SLC24A5: variants seen among roughly 807,000 people sequenced by gnomAD.
SLC24A5 encodes solute carrier family 24 member 5.
In SLC24A5, 46 loss-of-function variants were observed where a neutral mutation model predicts 51.6. The ratio of observed to expected loss-of-function variants is 0.89; its 90% confidence interval spans 0.70 to 1.14. SLC24A5 has a LOEUF of 1.14. Among genes scored for constraint, SLC24A5 ranks in the 50% most tolerant of loss-of-function variants. SLC24A5 has a pLI of 0.00. For synonymous variants in SLC24A5, 230 were observed against 214.9 expected (o/e 1.07, Z -0.62); for missense variants, 581 against 604.1 (o/e 0.96, Z 0.40).
intron 2 of SLC24A5, among the ~76,000 whole-genome samples, chr15:48,131,686 A>G (rs551655543): frequency 6.6e-6 from 1 of 151,618 alleles, no homozygotes; most frequent in South Asian, 2.1e-4. Context: ...TTTTCTTTAT[A>G]AACTACCCAG....
At chr15:48,137,058 TAA>T in intron 6 of SLC24A5, 95 bp downstream of exon 6, 1 of 1,315,950 alleles carries the variant, frequency 7.6e-7, no homozygotes, top group Non-Finnish European at 1.0e-6. Context: ...GCTTTTTATG[TAA>T]AAAAGACTGT....
chr15:48,125,543 T>G (rs1167889853), intron 2 of SLC24A5, among the ~76,000 whole-genome samples: 1 of 152,212 alleles, frequency 6.6e-6, no homozygotes, highest in Non-Finnish European at 1.5e-5. Context: ...AGAACTGTTC[T>G]ATTTGAACCA....
intron 5 of SLC24A5, 175 bp from the exon 6 acceptor site, chr15:48,136,508 A>G (rs535314741): frequency 3.9e-6 from 2 of 516,864 alleles, no homozygotes; most frequent in African/African-American, 2.0e-5. Flanking sequence ...ATCAATAAAC[A>G]TAATAATGCT....
intron 2 of SLC24A5, among the ~76,000 whole-genome samples, chr15:48,126,549 T>G (rs1249152384): frequency 1.3e-5 from 2 of 152,138 alleles, no homozygotes; most frequent in Non-Finnish European, 2.9e-5. Flanking sequence ...GTTAAAGATG[T>G]GATCAGAAGA....
At position 48,134,331 on chromosome 15, in the gene SLC24A5, T is replaced by C. The variant is rs138077324; in HGVS notation, c.375T>C (p.Thr125=). ...AAGSSAPELV[T]AFLGVFITKG... The stretch of plus-strand genomic sequence containing the variant: ...GCAGTTCAGCTCCTGAATTAGTTAC[T>C]GCTTTCCTAGGTAAATATTGCTCCT... Residue 125 remains threonine, a synonymous_variant, in exon 3 of 9, where the codon ACT becomes ACC. Transcript: ENST00000341459. 5.0e-6 allele frequency: 8 copies of C among 1,613,516 alleles called. No individual in the cohort carries two copies. In the African/African-American group the frequency reaches 1.1e-4, roughly 22 times the overall value.
intron 2 of SLC24A5, among the ~76,000 whole-genome samples, chr15:48,127,678 C>T (rs1049268870): frequency 2.6e-5 from 4 of 151,992 alleles, no homozygotes; most frequent in South Asian, 2.1e-4. Context: ...ATTAGCCAGT[C>T]GTGGTGGCAG....
At chr15:48,126,170 C>T (rs1418910186) in intron 2 of SLC24A5, among the ~76,000 whole-genome samples, 1 of 152,118 alleles carries the variant, frequency 6.6e-6, no homozygotes, top group African/African-American at 2.4e-5. Flanking sequence ...TTTCCTTCTC[C>T]TTGCTCTGCT....
chr15:48,136,739 T>C lies in SLC24A5; in HGVS notation c.647T>C (p.Phe216Ser), dbSNP rs778211619. Residue 216 changes from phenylalanine (F) to serine (S), a missense_variant, in exon 6 of 9, where the codon TTT becomes TCT. Coordinates refer to ENST00000341459, the MANE Select transcript of SLC24A5 (RefSeq NM_205850.3). ...IYGLYVLVLC[F>S]DIKINQYIIK... ...GGATTGTATGTTTTGGTGCTGTGTT[T>C]TGACATTAAAATTAACCAATATATT... 2.5e-6 allele frequency: 4 copies of C among 1,613,594 alleles called. No homozygotes were observed. Among genetic ancestry groups the C allele is most frequent in the Non-Finnish European group, 3.4e-6 (4 of 1,179,772 alleles).
chr15:48,122,373 A>T, intron 2 of SLC24A5: 1 of 401,322 alleles, frequency 2.5e-6, no homozygotes, highest in South Asian at 1.1e-4. Flanking sequence ...ATACAATGAA[A>T]CTCCTAATAT....
chr15:48,141,330 G>A, intron 8 of SLC24A5, 116 bp downstream of exon 8: 3 of 783,732 alleles, frequency 3.8e-6, no homozygotes, highest in Non-Finnish European at 6.1e-6. Context: ...TGTAATCCCA[G>A]GATTTTGGGA....
Position 48,142,067 on chromosome 15 carries a change from A to G in SLC24A5, c.1219A>G (p.Asn407Asp). The change falls in exon 9 of 9, where the codon AAT becomes GAT. Residue 407 changes from asparagine to aspartate, a missense_variant. Coordinates refer to ENST00000341459, the MANE Select transcript of SLC24A5 (RefSeq NM_205850.3). ...GGCTATGTCTAACATCGTGGGATCCAATGTGTTTGATATGTTGTGCCTTGG... is the reference window on the plus strand; with the variant it reads ...GGCTATGTCTAACATCGTGGGATCCGATGTGTTTGATATGTTGTGCCTTGG... The part of the protein sequence containing the change: ...DMAMSNIVGS[N>D]VFDMLCLGIP... 3 of 1,613,646 alleles carry G rather than the reference A, an allele frequency of 1.9e-6. No homozygotes were observed. The highest frequency in any genetic ancestry group is 1.3e-5 in the African/African-American group (1 of 74,984).
Position 48,136,817 on chromosome 15 carries a change from G to A in SLC24A5, c.725G>A (p.Ser242Asn). ...TGTCTTGCCAAAGCTATGGAGAGAA[G>A]TGAACAACAGCCACTGATGGGCTGG... The part of the protein sequence containing the change: ...CACLAKAMER[S>N]EQQPLMGWED... Residue 242 changes from serine to asparagine, a missense_variant, in exon 6 of 9, where the codon AGT (serine) becomes AAT (asparagine). Ser to Asn is a conservative substitution (Grantham distance 46). Transcript: ENST00000341459. The A allele has an allele frequency of 6.2e-7, 1 of 1,613,800 alleles. No homozygotes were observed. Among genetic ancestry groups the A allele is most frequent in the Non-Finnish European group, 8.5e-7 (1 of 1,179,822 alleles).
chr15:48,123,600 A>G (rs1309784338), intron 2 of SLC24A5: 2 of 152,208 alleles, frequency 1.3e-5, no homozygotes, highest in Non-Finnish European at 2.9e-5. Flanking sequence ...GAAATTTATC[A>G]TAAAATTTAA....
intron 7 of SLC24A5, 72 bp downstream of exon 7, chr15:48,139,247 A>G: frequency 7.7e-7 from 1 of 1,303,886 alleles, no homozygotes; most frequent in Non-Finnish European, 1.1e-6. Flanking sequence ...GTTCACTCAA[A>G]GTAGTCTAGC....
chr15:48,134,367 G>A, intron 3 of SLC24A5, 26 bp downstream of exon 3: 1 of 1,611,656 alleles, frequency 6.2e-7, no homozygotes, highest in Non-Finnish European at 8.5e-7. Flanking sequence ...TATACTTCTT[G>A]CTTACTCAGT....
At chr15:48,130,160 A>G (rs1438289344) in intron 2 of SLC24A5, among the ~76,000 whole-genome samples, 1 of 152,176 alleles carries the variant, frequency 6.6e-6, no homozygotes. Flanking sequence ...CATTTCTACT[A>G]TATCTTCCAG....
chr15:48,122,019 T>C lies in SLC24A5; in HGVS notation c.284T>C (p.Leu95Pro), dbSNP rs770958259. The C allele has an allele frequency of 1.2e-6, 2 of 1,614,200 alleles. No homozygotes were observed. The highest frequency in any genetic ancestry group is 1.1e-5 in the South Asian group (1 of 91,086). The change falls in exon 2 of 9, where the codon CTG becomes CCG. Residue 95 changes from leucine (L) to proline (P), a missense_variant. Transcript: ENST00000341459. The part of the protein sequence containing the change: ...IVCDEYFLPS[L>P]EIISESLGLS... ...TGTGATGAATACTTCCTACCCTCCC[T>C]GGAAATCATCAGTGAATGTAAGTGG...
At chr15:48,125,785 T>C (rs1264724470) in intron 2 of SLC24A5, among the ~76,000 whole-genome samples, 1 of 152,208 alleles carries the variant, frequency 6.6e-6, no homozygotes, top group African/African-American at 2.4e-5. Flanking sequence ...GAGATCATAA[T>C]GTAGTACAGT....
intron 7 of SLC24A5, 65 bp downstream of exon 7, chr15:48,139,240 C>CTT: frequency 1.5e-6 from 2 of 1,363,954 alleles, no homozygotes; most frequent in Non-Finnish European, 2.1e-6. Flanking sequence ...TGCATATGTT[C>CTT]ACTCAAAGTA....
Sources: gnomAD v4.1 joint callset for allele counts (sites outside exome capture counted in the v4.1 genomes callset) on GRCh38, gnomAD v4.1.1 for gene constraint, MANE v1.5 for transcripts, NCBI Gene and HGNC (gene_info 2026-07-23, HGNC 2026-07-21) for gene names.